The following PTPRM variants were observed in gnomAD, a reference collection of about 807,000 sequenced individuals.
PTPRM encodes the protein protein tyrosine phosphatase receptor type M, also known as receptor-type tyrosine-protein phosphatase mu.
PTPRM carries 47 observed loss-of-function variants against 186.7 expected under a neutral mutation model. That is an observed-to-expected ratio of 0.25 (90% CI 0.20 to 0.32). The LOEUF (loss-of-function observed/expected upper bound fraction) is 0.32, where lower values mean the gene tolerates loss of function less well. Ranked by LOEUF, PTPRM falls within the 10% of genes least tolerant of loss-of-function variation. PTPRM has a pLI of 1.00. For synonymous variants in PTPRM, 668 were observed against 674.9 expected, an observed-to-expected ratio of 0.99 and a Z score of 0.16; for missense variants, 1,494 against 1,865.0, an observed-to-expected ratio of 0.80 and a Z score of 3.66.
At chr18:7,632,536 A>G (rs2038216586) in intron 1 of PTPRM, among the ~76,000 whole-genome samples, 1 of 152,204 alleles carries the variant, frequency 6.6e-6, no homozygotes, top group South Asian at 2.1e-4. Flanking sequence ...TGTCGTTTCC[A>G]TGAACAGAGC....
At chr18:7,990,218 T>C (rs2083190855) in intron 7 of PTPRM, among the ~76,000 whole-genome samples, 1 of 152,168 alleles carries the variant, frequency 6.6e-6, no homozygotes, top group Admixed American at 6.6e-5. Context: ...CCTGATATTT[T>C]CTGAACATTT....
chr18:7,977,555 CA>C (rs2055039150), intron 7 of PTPRM, among the ~76,000 whole-genome samples: 1 of 152,026 alleles, frequency 6.6e-6, no homozygotes, highest in African/African-American at 2.4e-5. Context: ...TCTAGTTGTC[CA>C]ACATAAGAAA....
At chr18:8,143,899 CTG>C in intron 14 of PTPRM, 120 bp downstream of exon 14, 1 of 1,258,340 alleles carries the variant, frequency 7.9e-7, no homozygotes. Context: ...ATCTGTGACT[CTG>C]TGATTGTTAA....
intron 1 of PTPRM, among the ~76,000 whole-genome samples, chr18:7,719,214 A>T (rs944274283): frequency 3.3e-5 from 5 of 152,246 alleles, no homozygotes; most frequent in Non-Finnish European, 7.3e-5. Flanking sequence ...CAACTCAGCC[A>T]TAAAATGGAA....
At chr18:8,372,925 GGTTT>G (rs1438886334) in intron 24 of PTPRM, among the ~76,000 whole-genome samples, 3 of 152,052 alleles carry the variant, frequency 2.0e-5, no homozygotes, top group African/African-American at 7.2e-5. Flanking sequence ...CTAAAGGAAG[GGTTT>G]GTTTGTTTCT....
At chr18:8,027,600 G>A (rs942562781) in intron 7 of PTPRM, among the ~76,000 whole-genome samples, 1 of 152,150 alleles carries the variant, frequency 6.6e-6, no homozygotes, top group African/African-American at 2.4e-5. Flanking sequence ...TTATCAGTCA[G>A]ATGTTAAAGA....
At chr18:8,354,566 A>G (rs908440907) in intron 23 of PTPRM, among the ~76,000 whole-genome samples, 2 of 152,212 alleles carry the variant, frequency 1.3e-5, no homozygotes, top group African/African-American at 4.8e-5. Context: ...CACAAGCCCT[A>G]TTGCTCTTAT....
chr18:8,186,481 T>A (rs2093644285), intron 14 of PTPRM, among the ~76,000 whole-genome samples: 1 of 152,242 alleles, frequency 6.6e-6, no homozygotes, highest in South Asian at 2.1e-4. Flanking sequence ...ACTTTAGCTG[T>A]AGCTTCGTAT....
intron 1 of PTPRM, among the ~76,000 whole-genome samples, chr18:7,611,351 A>T (rs1396839862): frequency 1.3e-5 from 2 of 152,162 alleles, no homozygotes; most frequent in East Asian, 3.9e-4. Context: ...AGGCCTTCCC[A>T]TTCACTCACC....
intron 1 of PTPRM, among the ~76,000 whole-genome samples, chr18:7,660,030 G>A (rs545594253): frequency 2.0e-5 from 3 of 152,220 alleles, no homozygotes; most frequent in Non-Finnish European, 1.5e-5. Flanking sequence ...CTTACAAAAA[G>A]GAAAGATGAC....
intron 14 of PTPRM, among the ~76,000 whole-genome samples, chr18:8,174,102 AGTG>A (rs2093447231): frequency 6.6e-6 from 1 of 151,978 alleles, no homozygotes; most frequent in African/African-American, 2.4e-5. Context: ...ATTTTACAAT[AGTG>A]GTGTTATCCA....
intron 19 of PTPRM, among the ~76,000 whole-genome samples, chr18:8,295,643 A>T (rs1443692546): frequency 2.6e-5 from 4 of 152,066 alleles, no homozygotes; most frequent in Non-Finnish European, 5.9e-5. Context: ...TTTTCCCATA[A>T]CCTCCTCACA....
intron 17 of PTPRM, among the ~76,000 whole-genome samples, chr18:8,249,496 C>T (rs1357405609): frequency 6.6e-6 from 1 of 152,102 alleles, no homozygotes; most frequent in Non-Finnish European, 1.5e-5. Context: ...TCTTAGGCAC[C>T]AGAACAATGT....
At chr18:8,280,161 G>C (rs1007475759) in intron 19 of PTPRM, among the ~76,000 whole-genome samples, 1 of 152,058 alleles carries the variant, frequency 6.6e-6, no homozygotes. Flanking sequence ...TCAAGGTGCC[G>C]GCATGGTTGG....
chr18:8,387,047 C>T, intron 30 of PTPRM, 25 bp from the exon 31 acceptor site: 1 of 1,566,328 alleles, frequency 6.4e-7, no homozygotes, highest in Non-Finnish European at 8.8e-7. Context: ...TTTCCACTCC[C>T]CGATTGTTGC....
intron 1 of PTPRM, among the ~76,000 whole-genome samples, chr18:7,755,508 G>C (rs962508336): frequency 2.6e-5 from 4 of 152,218 alleles, no homozygotes; most frequent in African/African-American, 7.2e-5. Flanking sequence ...GAGCAACTGA[G>C]TTGGTGGCTG....
intron 7 of PTPRM, among the ~76,000 whole-genome samples, chr18:8,034,371 TC>T (rs1376803383): frequency 6.6e-6 from 1 of 152,140 alleles, no homozygotes. Context: ...GTACCAAGTT[TC>T]ATCATCTAAA....
chr18:7,888,083 T>C, intron 2 of PTPRM, 23 bp from the exon 3 acceptor site: 1 of 1,614,088 alleles, frequency 6.2e-7, no homozygotes, highest in Non-Finnish European at 8.5e-7. Context: ...AGGGTATGAC[T>C]CTCCTTGATT....
chr18:8,311,480 G>A (rs970038255), intron 20 of PTPRM, among the ~76,000 whole-genome samples: 6 of 152,150 alleles, frequency 3.9e-5, no homozygotes, highest in African/African-American at 1.4e-4. Flanking sequence ...CTGTGCCTCT[G>A]TGCTGTGAAT....
Sources: gnomAD v4.1 joint callset for allele counts (sites outside exome capture counted in the v4.1 genomes callset) on GRCh38, gnomAD v4.1.1 for gene constraint, MANE v1.5 for transcripts, NCBI Gene and HGNC (gene_info 2026-07-23, HGNC 2026-07-21) for gene names.